Variants in MDN1 observed in about 807,000 individuals in gnomAD.
MDN1 encodes midasin AAA ATPase 1, also known as midasin.
A neutral mutation model predicts 669.2 loss-of-function variants in MDN1; 266 were observed. The observed-to-expected ratio is 0.40, with a 90% CI of 0.36 to 0.44. The LOEUF (loss-of-function observed/expected upper bound fraction) is 0.44, where lower values mean the gene tolerates loss of function less well. Ranked by LOEUF, MDN1 falls within the 20% of genes least tolerant of loss-of-function variation. The pLI is 1.00. For missense variants in MDN1, 5,940 were observed against 6,754.0 expected (o/e 0.88, Z 4.22); for synonymous variants, 2,385 against 2,457.1 (o/e 0.97, Z 0.87).
rs529116900 is a variant in MDN1, at chr6:89,812,216, C to T, written c.102+7290G>A. Among the ~76,000 whole-genome samples, 421 of 151,998 alleles carry T rather than the reference C, an allele frequency of 2.8e-3. 1 individual carries two copies. The highest frequency in any genetic ancestry group is 9.7e-3 in the African/African-American group (403 of 41,490). Reference sequence around the variant, plus strand: ...GGCCAGGCTGGTCTCAAACTCCTGACCTCGTGATTCGCCCACCTTGGCCCC... The same window carrying T: ...GGCCAGGCTGGTCTCAAACTCCTGATCTCGTGATTCGCCCACCTTGGCCCC... On this transcript the variant is annotated intron_variant, in intron 1 of 101. Coordinates refer to ENST00000369393, the MANE Select transcript of MDN1 (RefSeq NM_014611.3).
chr6:89,783,092 G>T (rs530673737), intron 9 of MDN1, among the ~76,000 whole-genome samples: 2 of 152,018 alleles, frequency 1.3e-5, no homozygotes, highest in Non-Finnish European at 2.9e-5. Context: ...GAATAACAGC[G>T]ATTTTTAGGG....
chr6:89,672,953 A>T (rs1810924769), intron 80 of MDN1, among the ~76,000 whole-genome samples: 1 of 152,232 alleles, frequency 6.6e-6, no homozygotes, highest in African/African-American at 2.4e-5. Context: ...ATAAACACTA[A>T]CTTAGTCCAA....
chr6:89,674,054 CAAT>C, intron 79 of MDN1, 47 bp downstream of exon 79: 1 of 1,580,208 alleles, frequency 6.3e-7, no homozygotes, highest in Non-Finnish European at 8.6e-7. Flanking sequence ...TAGATAAGCA[CAAT>C]AAGGACCTAA....
chr6:89,754,768 G>A (rs955295053), intron 20 of MDN1, among the ~76,000 whole-genome samples: 3 of 152,172 alleles, frequency 2.0e-5, no homozygotes, highest in Admixed American at 6.5e-5. Context: ...TGAAGGTCTT[G>A]CACTTTGTGA....
intron 45 of MDN1, among the ~76,000 whole-genome samples, chr6:89,715,328 C>A (rs1323213177): frequency 6.6e-6 from 1 of 152,164 alleles, no homozygotes; most frequent in African/African-American, 2.4e-5. Context: ...AGCAAACCAA[C>A]CCATCTGACC....
intron 62 of MDN1, 107 bp downstream of exon 62, chr6:89,693,967 A>C: frequency 1.2e-6 from 1 of 846,250 alleles, no homozygotes; most frequent in Non-Finnish European, 2.0e-6. Flanking sequence ...TCTAATTGCT[A>C]ATGTAGTTTA....
In MDN1 at chr6:89,774,740, G is replaced by A. The variant is rs1293156869; in HGVS notation, c.1822-7C>T. 2 of 1,594,084 alleles carry A rather than the reference G, an allele frequency of 1.3e-6. No homozygotes were observed. The highest frequency in any genetic ancestry group is 1.7e-6 in the Non-Finnish European group (2 of 1,162,150). The stretch of plus-strand genomic sequence containing the variant: ...GTTGACAAAAGAATTCAGCCTGTAG[G>A]AGGTAAGATTTTACCTGAGTAAAAA... On this transcript the variant is annotated splice_polypyrimidine_tract_variant and splice_region_variant and intron_variant, in intron 12 of 101. Transcript: ENST00000369393.
chr6:89,780,739 T>A (rs1490910195), intron 10 of MDN1, among the ~76,000 whole-genome samples: 1 of 151,232 alleles, frequency 6.6e-6, no homozygotes, highest in Admixed American at 6.6e-5. Context: ...CCACCCGGGT[T>A]CAGGCAATTC....
rs553176175 is a variant in MDN1, at chr6:89,803,805, T to C, written c.103-251A>G. 1.2e-3 allele frequency among the ~76,000 whole-genome samples: 182 copies of C among 151,054 alleles called. 1 individual carries two copies. Among genetic ancestry groups the C allele is most frequent in the African/African-American group, 4.3e-3 (178 of 41,216 alleles). On this transcript the variant is annotated intron_variant, in intron 1 of 101. Coordinates refer to ENST00000369393, the MANE Select transcript of MDN1 (RefSeq NM_014611.3). ...ACCATGTTAGCCAGGATGGTCTCGA[T>C]CTCCTGACCTCGTGATCCGCCCGCC...
Position 89,644,941 on chromosome 6 carries a change from A to G in MDN1, c.16602+74T>C, listed in dbSNP as rs185700376. The G allele has an allele frequency of 6.4e-4, 936 of 1,462,084 alleles. 3 individuals carry two copies. Among genetic ancestry groups the G allele is most frequent in the Non-Finnish European group, 5.9e-4 (631 of 1,072,812 alleles). 90.6% of individuals were successfully genotyped at this position (1,462,084 alleles called of 1,614,324 possible). A position where few individuals can be genotyped will look rare whatever the true frequency, so the allele number is the denominator to read the frequency against. On this transcript the variant is annotated intron_variant, in intron 101 of 101. Transcript: ENST00000369393. ...TCAGTATGACTGAGTGATCCAGGCC[A>G]TATTTCAGATTGAACAGGTTGAAGG...
intron 63 of MDN1, among the ~76,000 whole-genome samples, chr6:89,691,901 C>CA (rs957210167): frequency 2.6e-5 from 4 of 151,034 alleles, no homozygotes; most frequent in African/African-American, 4.9e-5. Flanking sequence ...GCTGCTACTA[C>CA]AAAAAAAAAT....
Position 89,794,561 on chromosome 6 carries a change from T to G in MDN1, c.554+16A>C. ...TCCCCACACTAGAAGTGCAAAAAAG[T>G]CTAACAGCTACGCACCAGCGAACCA... On this transcript the variant is annotated intron_variant, in intron 3 of 101. Transcript: ENST00000369393. 1 of 1,611,190 alleles carries G rather than the reference T, an allele frequency of 6.2e-7. No individual in the cohort carries two copies. Among genetic ancestry groups the G allele is most frequent in the South Asian group, 1.1e-5 (1 of 90,960 alleles).
chr6:89,751,430 C>T lies in MDN1; in HGVS notation c.3227+1G>A. 6.2e-7 allele frequency: 1 copy of T among 1,614,148 alleles called. No homozygotes were observed. Among genetic ancestry groups the T allele is most frequent in the Non-Finnish European group, 8.5e-7 (1 of 1,180,020 alleles). ...GGGCAGCGAGAAAAAAGCCCACACA[C>T]CCTGCAGAGACAACTCGGACTATAT... On this transcript the variant is annotated splice_donor_variant, in intron 23 of 101. Transcript: ENST00000369393. LOFTEE classifies it high-confidence loss of function.
At chr6:89,799,406 C>T (rs1406925151) in intron 2 of MDN1, among the ~76,000 whole-genome samples, 2 of 152,248 alleles carry the variant, frequency 1.3e-5, no homozygotes, top group South Asian at 2.1e-4. Flanking sequence ...AAAGTTGGGC[C>T]GGGCGCAGTG....
chr6:89,644,953 G>T, intron 101 of MDN1, 62 bp downstream of exon 101: 1 of 1,505,522 alleles, frequency 6.6e-7, no homozygotes, highest in South Asian at 1.3e-5. Context: ...ATTTCAGATT[G>T]AACAGGTTGA....
chr6:89,718,480 T>G lies in MDN1; in HGVS notation c.6469A>C (p.Lys2157Gln), dbSNP rs1814575189. 7 of 1,614,136 alleles carry G rather than the reference T, an allele frequency of 4.3e-6. No individual in the cohort carries two copies. The East Asian group carries it at 1.1e-4, about 26-fold the overall frequency. Residue 2157 changes from lysine (K) to glutamine (Q), a missense_variant, in exon 43 of 102, where the codon AAG (lysine) becomes CAG (glutamine). Transcript: ENST00000369393. ...WSHFLLTYKP[K>Q]CLGEGGKAIT... ...GCTTTACCACCTTCTCCAAGACACTTAGGCTTATATGTCAGAAGAAAATGA... is the reference window on the plus strand; with the variant it reads ...GCTTTACCACCTTCTCCAAGACACTGAGGCTTATATGTCAGAAGAAAATGA...
chr6:89,680,536 C>T (rs1217496471), intron 74 of MDN1, 53 bp downstream of exon 74: 16 of 1,587,910 alleles, frequency 1.0e-5, no homozygotes, highest in South Asian at 3.4e-5. Context: ...AGCCCTCCTG[C>T]GCCACTGGGG....
intron 60 of MDN1, 69 bp downstream of exon 60, chr6:89,696,290 CT>C: frequency 1.3e-6 from 2 of 1,494,844 alleles, no homozygotes; most frequent in Non-Finnish European, 1.9e-6. Flanking sequence ...GAAGTTCTCA[CT>C]GGGTCTCTGC....
Position 89,715,774 on chromosome 6 carries a change from A to G in MDN1, c.6744-5T>C, listed in dbSNP as rs1814325766. 2 of 1,585,984 alleles carry G rather than the reference A, an allele frequency of 1.3e-6. No individual in the cohort carries two copies. The highest frequency in any genetic ancestry group is 1.3e-5 in the African/African-American group (1 of 74,310). On this transcript the variant is annotated splice_polypyrimidine_tract_variant and splice_region_variant and intron_variant, in intron 44 of 101. Coordinates refer to ENST00000369393, the MANE Select transcript of MDN1 (RefSeq NM_014611.3). ...AAACGATCCAACACTGATGGGCTGC[A>G]GAGACAGAATTCAGATGGTGGATAG... is the stretch of plus-strand genomic sequence containing the variant.
Sources: allele counts gnomAD v4.1 joint callset (sites outside exome capture counted in the v4.1 genomes callset), GRCh38; gene constraint gnomAD v4.1.1; transcripts MANE v1.5; gene names NCBI Gene and HGNC (gene_info 2026-07-23, HGNC 2026-07-21).